The following TLL1 variants were observed in gnomAD, a reference collection of about 807,000 sequenced individuals.
TLL1 encodes the protein tolloid-like protein 1.
Under a neutral mutation model 128.2 loss-of-function variants are expected in TLL1, and 49 were observed. The ratio of observed to expected loss-of-function variants is 0.38; its 90% CI spans 0.30 to 0.48. The LOEUF is 0.48. Ranked by LOEUF, TLL1 falls within the 20% of genes least tolerant of loss-of-function variation. TLL1 has a pLI of 0.96. For synonymous variants in TLL1, 454 were observed against 418.8 expected (o/e 1.08, Z -1.03); for missense variants, 1,123 against 1,242.0 (o/e 0.90, Z 1.44).
intron 1 of TLL1, among the ~76,000 whole-genome samples, chr4:165,900,091 A>C (rs1731903975): frequency 6.7e-6 from 1 of 150,256 alleles, no homozygotes; most frequent in Non-Finnish European, 1.5e-5. Context: ...TGCTTGGTAA[A>C]TATTCCTCCA....
At chr4:166,100,718 CTTG>C (rs745676285) in intron 20 of TLL1, 21 bp from the exon 21 acceptor site, 4 of 1,612,188 alleles carry the variant, frequency 2.5e-6, no homozygotes, top group African/African-American at 2.7e-5. Flanking sequence ...TGTTTACTTG[CTTG>C]TTGTTTTTGT....
intron 8 of TLL1, among the ~76,000 whole-genome samples, chr4:166,023,318 T>G (rs1738330278): frequency 6.6e-6 from 1 of 152,160 alleles, no homozygotes; most frequent in Admixed American, 6.5e-5. Flanking sequence ...GAGAATCACT[T>G]GAACCTGGGA....
intron 16 of TLL1, 118 bp downstream of exon 16, chr4:166,065,981 C>A: frequency 2.6e-6 from 1 of 382,218 alleles, no homozygotes; most frequent in Non-Finnish European, 4.1e-6. Flanking sequence ...ATAAGTAGGC[C>A]TTACAAACAA....
intron 20 of TLL1, 149 bp downstream of exon 20, chr4:166,099,676 A>G (rs2111168466): frequency 1.9e-6 from 2 of 1,059,874 alleles, no homozygotes; most frequent in South Asian, 3.0e-5. Context: ...TTGACAAAAT[A>G]TAACACGTCT....
chr4:166,043,239 G>A, intron 11 of TLL1, 35 bp from the exon 12 acceptor site: 1 of 1,613,600 alleles, frequency 6.2e-7, no homozygotes, highest in Non-Finnish European at 8.5e-7. Context: ...GCATGTCCAG[G>A]CTTAGTTATT....
Position 166,102,238 on chromosome 4 carries a change from A to G in TLL1, c.*1362A>G, listed in dbSNP as rs1281957463. On this transcript the variant is annotated 3_prime_UTR_variant, in exon 21 of 21. Coordinates refer to ENST00000061240, the MANE Select transcript of TLL1 (RefSeq NM_012464.5). ...ATAGTGTATGTTAATTAACAGCTCT[A>G]TGAAGAAAATCCATTTCCATGACTG... is the stretch of plus-strand genomic sequence containing the variant. 1 of 152,494 alleles carries G rather than the reference A, an allele frequency of 6.6e-6. No individual in the cohort carries two copies. The highest frequency in any genetic ancestry group is 1.5e-5 in the Non-Finnish European group (1 of 67,978). The allele number at this position is 152,494 out of a possible 1,614,324, so 9.4% of individuals were successfully genotyped here.
intron 1 of TLL1, among the ~76,000 whole-genome samples, chr4:165,877,722 C>T (rs915528619): frequency 6.6e-6 from 1 of 152,080 alleles, no homozygotes; most frequent in Non-Finnish European, 1.5e-5. Flanking sequence ...TTCTCTTCTT[C>T]CCTCCCTTCC....
intron 1 of TLL1, among the ~76,000 whole-genome samples, chr4:165,938,394 G>A (rs72970190): frequency 0.036 from 5,486 of 152,080 alleles, 297 homozygotes; most frequent in African/African-American, 0.12. Context: ...TTCTTTCAAT[G>A]GATAGGCACT....
chr4:166,010,392 A>T (rs1179597267), intron 7 of TLL1, among the ~76,000 whole-genome samples: 2 of 150,912 alleles, frequency 1.3e-5, no homozygotes, highest in Non-Finnish European at 3.0e-5. Flanking sequence ...TGATTAGTGA[A>T]CATCCTTTTA....
chr4:165,889,844 G>A (rs1232635033), intron 1 of TLL1, among the ~76,000 whole-genome samples: 2 of 152,046 alleles, frequency 1.3e-5, no homozygotes, highest in Non-Finnish European at 2.9e-5. Flanking sequence ...GATTTACATT[G>A]TTGTGTGGTT....
chr4:165,942,530 C>A (rs114137370), intron 1 of TLL1, among the ~76,000 whole-genome samples: 1 of 151,432 alleles, frequency 6.6e-6, no homozygotes, highest in Admixed American at 6.6e-5. Flanking sequence ...GTAATCTAAC[C>A]GAATACCTTC....
intron 12 of TLL1, among the ~76,000 whole-genome samples, chr4:166,043,814 C>T (rs1739339939): frequency 6.8e-6 from 1 of 148,136 alleles, no homozygotes; most frequent in Non-Finnish European, 1.5e-5. Flanking sequence ...CATTTTTCAC[C>T]TTTTTTTTTT....
chr4:165,983,199 G>A (rs1736231700), intron 1 of TLL1, among the ~76,000 whole-genome samples: 1 of 151,766 alleles, frequency 6.6e-6, no homozygotes, highest in Non-Finnish European at 1.5e-5. Flanking sequence ...GAATATTTGT[G>A]GTATGGATGA....
intron 1 of TLL1, among the ~76,000 whole-genome samples, chr4:165,968,460 C>T (rs1018573881): frequency 1.3e-5 from 2 of 152,098 alleles, no homozygotes; most frequent in African/African-American, 4.8e-5. Flanking sequence ...GGAATACAGA[C>T]TAAGCAATGA....
intron 15 of TLL1, among the ~76,000 whole-genome samples, chr4:166,064,109 A>G (rs1042465173): frequency 3.9e-5 from 6 of 152,124 alleles, no homozygotes; most frequent in Admixed American, 3.9e-4. Flanking sequence ...TTTTATAATG[A>G]GAAAGACTGC....
At chr4:166,012,555 C>T (rs1169687375) in intron 7 of TLL1, among the ~76,000 whole-genome samples, 2 of 151,686 alleles carry the variant, frequency 1.3e-5, no homozygotes, top group Admixed American at 6.6e-5. Context: ...ATGGTAAATG[C>T]TTTGTTAGTA....
chr4:165,956,097 C>G (rs1734776372), intron 1 of TLL1, among the ~76,000 whole-genome samples: 1 of 151,872 alleles, frequency 6.6e-6, no homozygotes, highest in Admixed American at 6.6e-5. Context: ...ACAAAGATCA[C>G]ATGCTTCTGA....
At chr4:165,936,281 G>A (rs1733761163) in intron 1 of TLL1, among the ~76,000 whole-genome samples, 1 of 138,118 alleles carries the variant, frequency 7.2e-6, no homozygotes. Context: ...GTGCAGTGAT[G>A]TGATCTCAGC....
chr4:165,999,094 TCAA>T (rs1196361706), intron 5 of TLL1, among the ~76,000 whole-genome samples: 1 of 152,036 alleles, frequency 6.6e-6, no homozygotes, highest in Non-Finnish European at 1.5e-5. Flanking sequence ...TCAAAACCAT[TCAA>T]CAAGTCTCTA....
Sources: allele counts gnomAD v4.1 joint callset (sites outside exome capture counted in the v4.1 genomes callset), GRCh38; gene constraint gnomAD v4.1.1; transcripts MANE v1.5; gene names NCBI Gene and HGNC (gene_info 2026-07-23, HGNC 2026-07-21).